Variants in ZNF473 observed in about 807,000 individuals in gnomAD.
ZNF473 encodes zinc finger protein 473.
ZNF473 carries 4 observed loss-of-function variants against 11.1 expected under a neutral mutation model. That is an observed-to-expected ratio of 0.36 (90% CI 0.18 to 0.82). The LOEUF is 0.82. Ranked by LOEUF, ZNF473 falls within the 40% of genes least tolerant of loss-of-function variation. The pLI is 0.49. For synonymous variants in ZNF473, 404 were observed against 390.4 expected (o/e 1.03, Z -0.41); for missense variants, 854 against 1,084.0 (o/e 0.79, Z 2.98).
chr19:50,045,874 T>C lies in ZNF473; in HGVS notation c.1431T>C (p.His477=), dbSNP rs753661944. ...SFSRPSHLMR[H]QAIHTAEKPY... is the part of the protein sequence containing the mutation. ...GCCGGCCCTCACATCTGATGCGACA[T>C]CAGGCCATTCACACCGCAGAAAAGC... is the stretch of plus-strand genomic sequence containing the variant. The change falls in exon 5 of 5, where the codon CAT becomes CAC. Residue 477 remains histidine, a synonymous_variant. Transcript: ENST00000270617. 2.5e-6 allele frequency: 4 copies of C among 1,614,136 alleles called. No homozygotes were observed. In the Admixed American group the frequency reaches 5.0e-5, roughly 20 times the overall value.
chr19:50,044,977 C>T lies in ZNF473; in HGVS notation c.534C>T (p.Leu178=). ...TGCATAATGTTTCTGAAAAGACCCT[C>T]ACACCAGCTAAGTCTAAGGAATATA... ...SMVHNVSEKT[L]TPAKSKEYRG... The change falls in exon 5 of 5, where the codon CTC becomes CTT. Residue 178 remains leucine, a synonymous_variant. Transcript: ENST00000270617. 3 of 1,614,220 alleles carry T rather than the reference C, an allele frequency of 1.9e-6. No homozygotes were observed. The highest frequency in any genetic ancestry group is 2.5e-6 in the Non-Finnish European group (3 of 1,180,040).
chr19:50,028,297 C>CA (rs770803175), intron 1 of ZNF473, among the ~76,000 whole-genome samples: 13,484 of 72,234 alleles, frequency 0.19, 929 homozygotes, highest in East Asian at 0.32. Flanking sequence ...GACTCCGTCT[C>CA]AAAAAAAAAA....
At chr19:50,029,715 G>A (rs10422936) in intron 1 of ZNF473, among the ~76,000 whole-genome samples, 7,992 of 152,296 alleles carry the variant, frequency 0.052, 692 homozygotes, top group African/African-American at 0.18. Context: ...TAGGTGGGCA[G>A]TGACTATGAT....
intron 2 of ZNF473, among the ~76,000 whole-genome samples, chr19:50,038,259 A>G (rs1978579407): frequency 6.7e-6 from 1 of 150,278 alleles, no homozygotes; most frequent in South Asian, 2.1e-4. Context: ...ACACACATAA[A>G]TAATAATAAA....
rs371492045 is a variant in ZNF473, at chr19:50,044,958, A to G, written c.515A>G (p.Asn172Ser). 17 of 1,614,072 alleles carry G rather than the reference A, an allele frequency of 1.1e-5. No homozygotes were observed. Among genetic ancestry groups the G allele is most frequent in the Non-Finnish European group, 1.4e-5 (16 of 1,180,040 alleles). Residue 172 changes from asparagine to serine, a missense_variant, in exon 5 of 5, where the codon AAT (asparagine) becomes AGT (serine). Asn to Ser is a conservative substitution (Grantham distance 46, BLOSUM62 1). Transcript: ENST00000270617. ...ACGGGAGAAGATTCCATGGTGCATA[A>G]TGTTTCTGAAAAGACCCTCACACCA... ...VSTGEDSMVH[N>S]VSEKTLTPAK...
At chr19:50,032,668 A>G (rs1568834162) in intron 2 of ZNF473, among the ~76,000 whole-genome samples, 1 of 152,104 alleles carries the variant, frequency 6.6e-6, no homozygotes, top group Non-Finnish European at 1.5e-5. Flanking sequence ...ACAAAGTACC[A>G]CACACTGGGT....
Position 50,046,807 on chromosome 19 carries a change from T to C in ZNF473, c.2364T>C (p.Cys788=), listed in dbSNP as rs112199947. ...ACACTGGGGAGAAGCCCTACAGATGTGGTGAATGTGGGAAAGCCTTTGCCC... is the reference window on the plus strand; with the variant it reads ...ACACTGGGGAGAAGCCCTACAGATGCGGTGAATGTGGGAAAGCCTTTGCCC... ...RVHTGEKPYR[C]GECGKAFAQK... Residue 788 remains cysteine, a synonymous_variant, in exon 5 of 5, where the codon TGT becomes TGC. Coordinates refer to ENST00000270617, the MANE Select transcript of ZNF473 (RefSeq NM_015428.4). This position sits in a 1 kb window ranked among gnomAD's most constrained non-coding sequence, Gnocchi z 5.9. 3.1e-6 allele frequency: 5 copies of C among 1,614,020 alleles called. No homozygotes were observed. The highest frequency in any genetic ancestry group is 4.2e-6 in the Non-Finnish European group (5 of 1,179,952).
At chr19:50,035,075 T>G (rs565058388) in intron 2 of ZNF473, among the ~76,000 whole-genome samples, 1 of 152,264 alleles carries the variant, frequency 6.6e-6, no homozygotes, top group South Asian at 2.1e-4. Context: ...GCAAATTGCT[T>G]GAGCTCAGGA....
chr19:50,043,448 A>AT lies in ZNF473; in HGVS notation c.227-1222_227-1221insT, dbSNP rs1555735329. The AT allele has an allele frequency of 3.3e-3, 359 of 107,832 alleles. 1 individual carries two copies. The highest frequency in any genetic ancestry group is 5.0e-3 in the Middle Eastern group (1 of 200). The allele number at this position is 107,832 out of a possible 1,614,324, so 6.7% of individuals were successfully genotyped here. Reference sequence around the variant, plus strand: ...CTCAGTCTCCAAAAAAAAAAAAAAAAATATATATATATATATATATATATA... The same window carrying AT: ...CTCAGTCTCCAAAAAAAAAAAAAAAATATATATATATATATATATATATATA... On this transcript the variant is annotated intron_variant, in intron 4 of 4. Coordinates refer to ENST00000270617, the MANE Select transcript of ZNF473 (RefSeq NM_015428.4).
At chr19:50,038,245 GCACA>G (rs1474100341) in intron 2 of ZNF473, among the ~76,000 whole-genome samples, 1 of 148,470 alleles carries the variant, frequency 6.7e-6, no homozygotes, top group East Asian at 1.9e-4. Flanking sequence ...ATATATACAT[GCACA>G]CACACATAAA....
chr19:50,044,621 T>C, intron 4 of ZNF473, 49 bp from the exon 5 acceptor site: 1 of 1,478,494 alleles, frequency 6.8e-7, no homozygotes, highest in Non-Finnish European at 9.2e-7. Flanking sequence ...TGCTCTTGTC[T>C]GTGTTCTCAC....
chr19:50,044,613 C>T, intron 4 of ZNF473, 57 bp from the exon 5 acceptor site: 1 of 1,415,418 alleles, frequency 7.1e-7, no homozygotes, highest in Non-Finnish European at 9.7e-7. Context: ...CCCCTACTTG[C>T]TCTTGTCTGT....
chr19:50,043,159 G>A (rs1387792942), intron 4 of ZNF473: 1 of 152,188 alleles, frequency 6.6e-6, no homozygotes, highest in Non-Finnish European at 1.5e-5. Context: ...TGGGGGCCAG[G>A]CGTGGTGGCT....
rs1316343760 is a variant in ZNF473 at position 50,026,006 on chromosome 19, G to C, written c.-308G>C. 1 of 152,634 alleles carries C rather than the reference G, an allele frequency of 6.6e-6. No homozygotes were observed. The highest frequency in any genetic ancestry group is 6.5e-5 in the Admixed American group (1 of 15,288). 9.5% of individuals were successfully genotyped at this position (152,634 alleles called of 1,614,324 possible). A position where few individuals can be genotyped will look rare whatever the true frequency, so the allele number is the denominator to read the frequency against. On this transcript the variant is annotated 5_prime_UTR_variant, in exon 1 of 5. Transcript: ENST00000270617. The stretch of plus-strand genomic sequence containing the variant: ...GGAGGATCCTGGGTGCAGCCGCTCA[G>C]AGAAGCTTCTCGCGCACAGGAAGTC...
chr19:50,035,058 G>A (rs1222207755), intron 2 of ZNF473, among the ~76,000 whole-genome samples: 1 of 152,204 alleles, frequency 6.6e-6, no homozygotes, highest in African/African-American at 2.4e-5. Context: ...TTGGAAGGCT[G>A]AGGTGGGCAA....
chr19:50,046,533 C>T lies in ZNF473; in HGVS notation c.2090C>T (p.Ala697Val), dbSNP rs1233748706. ...CTTGTTCAGCATGAGCGAACTCATG[C>T]CAGAAAGAAGCCGTTGGTGTGTAAC... ...NYLVQHERTH[A>V]RKKPLVCNEC... Residue 697 changes from alanine (A) to valine (V), a missense_variant, in exon 5 of 5, where the codon GCC becomes GTC. Around this residue, in one of 2 missense-constraint regions of ZNF473, gnomAD observed 186 missense variants for 293.8 expected, o/e 0.63. Coordinates refer to ENST00000270617, the MANE Select transcript of ZNF473 (RefSeq NM_015428.4). The surrounding 1 kb of genome is among the most constrained non-coding windows in gnomAD (Gnocchi z 5.9). 1 of 1,614,080 alleles carries T rather than the reference C, an allele frequency of 6.2e-7. No individual in the cohort carries two copies. Among genetic ancestry groups the T allele is most frequent in the Non-Finnish European group, 8.5e-7 (1 of 1,180,046 alleles).
rs1979048534 is a variant in ZNF473, at chr19:50,045,578, G to C, written c.1135G>C (p.Glu379Gln). Reference protein sequence around the residue: ...HAAKTTSECQECGKIFRHSSL... With the variant: ...HAAKTTSECQQCGKIFRHSSL... ...TGCAAAAACTACCTCTGAGTGTCAG[G>C]AGTGTGGGAAGATTTTTAGGCACAG... is the stretch of plus-strand genomic sequence containing the variant. The change falls in exon 5 of 5, where the codon GAG (glutamate) becomes CAG (glutamine). Residue 379 changes from glutamate (E) to glutamine (Q), a missense_variant. Physicochemically the swap from Glu to Gln is conservative, Grantham distance 29 (BLOSUM62 2). This residue lies in a region of ZNF473 where 668 missense variants were observed against 790.2 expected (regional missense o/e 0.85). Coordinates refer to ENST00000270617, the MANE Select transcript of ZNF473 (RefSeq NM_015428.4). 1.2e-6 allele frequency: 2 copies of C among 1,614,058 alleles called. No individual in the cohort carries two copies. Among genetic ancestry groups the C allele is most frequent in the Non-Finnish European group, 1.7e-6 (2 of 1,180,036 alleles).
At chr19:50,040,250 C>T (rs1978696660) in intron 3 of ZNF473, among the ~76,000 whole-genome samples, 1 of 152,246 alleles carries the variant, frequency 6.6e-6, no homozygotes. Flanking sequence ...AGAATTCTCT[C>T]AGGGGAGTCA....
In ZNF473 at chr19:50,030,940, C is replaced by A; in HGVS notation, c.-143C>A. ...CTCCTCCTCCTGGACATTTTGGGGGCTCGTCAGCATGGACAGCGAGTCAGC... is the reference window on the plus strand; with the variant it reads ...CTCCTCCTCCTGGACATTTTGGGGGATCGTCAGCATGGACAGCGAGTCAGC... On this transcript the variant is annotated 5_prime_UTR_variant, in exon 2 of 5. Coordinates refer to ENST00000270617, the MANE Select transcript of ZNF473 (RefSeq NM_015428.4). The A allele has an allele frequency of 8.2e-7, 1 of 1,221,692 alleles. No individual in the cohort carries two copies. The highest frequency in any genetic ancestry group is 1.2e-6 in the Non-Finnish European group (1 of 853,072). 75.7% of individuals were successfully genotyped at this position (1,221,692 alleles called of 1,614,324 possible).
Sources: allele counts gnomAD v4.1 joint callset (sites outside exome capture counted in the v4.1 genomes callset), GRCh38; gene constraint gnomAD v4.1.1; regional missense constraint gnomAD v4.1.1; non-coding constraint Gnocchi (gnomAD v3.1); transcripts MANE v1.5; gene names NCBI Gene and HGNC (gene_info 2026-07-23, HGNC 2026-07-21).